Variants in ZNF100 observed in about 807,000 individuals in gnomAD.
ZNF100 encodes the protein zinc finger protein 100 (Y1).
Under a neutral mutation model 15.8 loss-of-function variants are expected in ZNF100, and 12 were observed. That is an observed-to-expected ratio of 0.76 (90% CI 0.49 to 1.23). The LOEUF (loss-of-function observed/expected upper bound fraction) is 1.23, where lower values mean the gene tolerates loss of function less well. Ranked by LOEUF, ZNF100 falls within the 50% of genes most tolerant of loss-of-function variation. ZNF100 has a pLI of 0.00. For synonymous variants in ZNF100, 226 were observed against 214.8 expected (o/e 1.05, Z -0.45); for missense variants, 670 against 635.6 (o/e 1.05, Z -0.58).
chr19:21,744,058 G>A lies in ZNF100; in HGVS notation c.281C>T (p.Pro94Leu), dbSNP rs1425353821. The part of the protein sequence containing the change: ...LITCLEQGKE[P>L]WNIKRHEMVA... ...CATCTCATGTCTCTTTATATTCCAG[G>A]GCTCTTTTCCTTGCTCCAGACAGGT... The change falls in exon 4 of 5, where the codon CCC becomes CTC. Residue 94 changes from proline (P) to leucine (L), a missense_variant. Transcript: ENST00000358296. 1 of 1,612,486 alleles carries A rather than the reference G, an allele frequency of 6.2e-7. No individual in the cohort carries two copies. The highest frequency in any genetic ancestry group is 1.1e-5 in the South Asian group (1 of 90,928).
At chr19:21,738,212 C>G (rs1398034040) in intron 4 of ZNF100, among the ~76,000 whole-genome samples, 3 of 129,280 alleles carry the variant, frequency 2.3e-5, no homozygotes, top group Non-Finnish European at 4.6e-5. Context: ...GATGGTGCCA[C>G]TGCAGTCCAG....
At chr19:21,751,521 T>C in intron 2 of ZNF100, 1 of 1,126,806 alleles carries the variant, frequency 8.9e-7, no homozygotes, top group African/African-American at 1.5e-5. Flanking sequence ...GAAATCGACA[T>C]TTGCCCCACT....
intron 4 of ZNF100, among the ~76,000 whole-genome samples, chr19:21,730,283 C>G (rs2035889274): frequency 6.6e-6 from 1 of 151,790 alleles, no homozygotes; most frequent in Non-Finnish European, 1.5e-5. Context: ...GTAGATATTG[C>G]ATGTAAATAT....
At chr19:21,746,652 T>C (rs913421809) in intron 2 of ZNF100, among the ~76,000 whole-genome samples, 5 of 151,826 alleles carry the variant, frequency 3.3e-5, no homozygotes, top group South Asian at 2.1e-4. Context: ...CTCTAGTACA[T>C]AGGAAAGAAA....
rs1457556127 is a variant in ZNF100 at position 21,723,549 on chromosome 19, G to T, written c.*3134C>A. ...TACAGAGAAATCTGAAGATAATTAAGAAATAAAAGATGCAGAACTTCTCTT... is the reference window on the plus strand; with the variant it reads ...TACAGAGAAATCTGAAGATAATTAATAAATAAAAGATGCAGAACTTCTCTT... On this transcript the variant is annotated 3_prime_UTR_variant, in exon 5 of 5. Transcript: ENST00000358296. 2 of 152,096 alleles carry T rather than the reference G, an allele frequency of 1.3e-5. No homozygotes were observed. The highest frequency in any genetic ancestry group is 6.6e-5 in the Admixed American group (1 of 15,264). 9.4% of individuals were successfully genotyped at this position (152,096 alleles called of 1,614,324 possible). A position where few individuals can be genotyped will look rare whatever the true frequency, so the allele number is the denominator to read the frequency against.
intron 2 of ZNF100, chr19:21,751,176 A>G (rs1269148885): frequency 7.5e-7 from 1 of 1,330,630 alleles, no homozygotes; most frequent in Non-Finnish European, 1.1e-6. Flanking sequence ...TAAATCATCT[A>G]TCTCCAGGGC....
chr19:21,755,975 G>C (rs1427439269), intron 2 of ZNF100, among the ~76,000 whole-genome samples: 1 of 152,122 alleles, frequency 6.6e-6, no homozygotes, highest in Non-Finnish European at 1.5e-5. Context: ...CGGGTGAATA[G>C]GCGCACCAAA....
chr19:21,765,252 G>A (rs931506113), intron 2 of ZNF100, among the ~76,000 whole-genome samples: 1 of 152,158 alleles, frequency 6.6e-6, no homozygotes, highest in Non-Finnish European at 1.5e-5. Context: ...GACAAACCCA[G>A]GTAGTGGCAG....
In ZNF100 at chr19:21,726,567, T is replaced by C. The variant is rs2145677975; in HGVS notation, c.*116A>G. 5 of 928,524 alleles carry C rather than the reference T, an allele frequency of 5.4e-6. No homozygotes were observed. Among genetic ancestry groups the C allele is most frequent in the South Asian group, 3.8e-5 (2 of 52,884 alleles). The allele number at this position is 928,524 out of a possible 1,614,324, so 57.5% of individuals were successfully genotyped here. On this transcript the variant is annotated 3_prime_UTR_variant, in exon 5 of 5. Coordinates refer to ENST00000358296, the MANE Select transcript of ZNF100 (RefSeq NM_173531.4). Reference sequence around the variant, plus strand: ...TGAATTATCTTATGTCTGTTAGGAATTGAGAATTTATTAAAGGCTTTGCCA... The same window carrying C: ...TGAATTATCTTATGTCTGTTAGGAACTGAGAATTTATTAAAGGCTTTGCCA...
At position 21,725,514 on chromosome 19, in the gene ZNF100, CT is replaced by C. The variant is rs1184928642; in HGVS notation, c.*1168del. 3.9e-5 allele frequency: 6 copies of C among 152,048 alleles called. No homozygotes were observed. Among genetic ancestry groups the C allele is most frequent in the Non-Finnish European group, 7.4e-5 (5 of 67,976 alleles). The allele number at this position is 152,048 out of a possible 1,614,324, so 9.4% of individuals were successfully genotyped here. ...CATCATACATCTCATATTTTAATGT[CT>C]TTTTCATAGCAAAGTTTATAAATAA... On this transcript the variant is annotated 3_prime_UTR_variant, in exon 5 of 5. Coordinates refer to ENST00000358296, the MANE Select transcript of ZNF100 (RefSeq NM_173531.4).
Position 21,765,722 on chromosome 19 carries a change from C to T in ZNF100, c.68G>A (p.Ser23Asn), listed in dbSNP as rs201163370. The T allele has an allele frequency of 3.9e-4, 636 of 1,613,926 alleles. 4 individuals carry two copies. Among genetic ancestry groups the T allele is most frequent in the South Asian group, 2.0e-3 (185 of 91,028 alleles). ...TTCAAAATAAGACTGCACCAGAAGA[C>T]TCCTCTCAGCCCCAGGGCATCCACT... The part of the protein sequence containing the change: ...GASGCPGAER[S>N]LLVQSYFEKG... The change falls in exon 2 of 5, where the codon AGT becomes AAT. Residue 23 changes from serine (S) to asparagine (N), a missense_variant. By Grantham distance (46) the Ser-to-Asn change is conservative. Transcript: ENST00000358296.
At chr19:21,761,442 A>G (rs1237999047) in intron 2 of ZNF100, among the ~76,000 whole-genome samples, 1 of 152,190 alleles carries the variant, frequency 6.6e-6, no homozygotes, top group African/African-American at 2.4e-5. Flanking sequence ...TTAATGAACT[A>G]AACTTGACTT....
intron 3 of ZNF100, 48 bp downstream of exon 3, chr19:21,744,893 A>C: frequency 6.3e-7 from 1 of 1,581,832 alleles, no homozygotes; most frequent in South Asian, 1.2e-5. Flanking sequence ...ACAAAAAAAG[A>C]GAAACCTTTA....
chr19:21,726,571 GAATTT>G lies in ZNF100; in HGVS notation c.*107_*111del. 1.0e-6 allele frequency: 1 copy of G among 969,640 alleles called. No individual in the cohort carries two copies. Among genetic ancestry groups the G allele is most frequent in the Non-Finnish European group, 1.5e-6 (1 of 662,664 alleles). 60.1% of individuals were successfully genotyped at this position (969,640 alleles called of 1,614,324 possible). A position where few individuals can be genotyped will look rare whatever the true frequency, so the allele number is the denominator to read the frequency against. On this transcript the variant is annotated 3_prime_UTR_variant, in exon 5 of 5. Coordinates refer to ENST00000358296, the MANE Select transcript of ZNF100 (RefSeq NM_173531.4). ...TTATCTTATGTCTGTTAGGAATTGA[GAATTT>G]ATTAAAGGCTTTGCCATATTCTTCA...
chr19:21,744,088 A>C lies in ZNF100; in HGVS notation c.251T>G (p.Leu84Arg), dbSNP rs1384193067. 1 of 1,610,736 alleles carries C rather than the reference A, an allele frequency of 6.2e-7. No individual in the cohort carries two copies. The highest frequency in any genetic ancestry group is 1.3e-5 in the African/African-American group (1 of 74,748). Reference protein sequence around the residue: ...LAGIALTKPDLITCLEQGKEP... With the variant: ...LAGIALTKPDRITCLEQGKEP... Reference sequence around the variant, plus strand: ...TTTTCCTTGCTCCAGACAGGTGATCAGGTCTGGCTTAGTGAGAGCAATACC... The same window carrying C: ...TTTTCCTTGCTCCAGACAGGTGATCCGGTCTGGCTTAGTGAGAGCAATACC... Residue 84 changes from leucine (L) to arginine (R), a missense_variant, in exon 4 of 5, where the codon CTG becomes CGG. Coordinates refer to ENST00000358296, the MANE Select transcript of ZNF100 (RefSeq NM_173531.4).
chr19:21,760,034 T>A (rs940554123), intron 2 of ZNF100, among the ~76,000 whole-genome samples: 1 of 151,670 alleles, frequency 6.6e-6, no homozygotes, highest in South Asian at 2.1e-4. Context: ...AATATAAAAT[T>A]AGCTGGGCGT....
Position 21,727,626 on chromosome 19 carries a change from G to A in ZNF100, c.686C>T (p.Thr229Ile), listed in dbSNP as rs764666852. The change falls in exon 5 of 5, where the codon ACA becomes ATA. Residue 229 changes from threonine (T) to isoleucine (I), a missense_variant. Thr to Ile is a moderately conservative substitution (Grantham distance 89, BLOSUM62 -1). Transcript: ENST00000358296. ...ATCTTTACATTGGTAGGAATTCTCTGTAATATGAAATCTTTTATGTTGAGT... is the reference window on the plus strand; with the variant it reads ...ATCTTTACATTGGTAGGAATTCTCTATAATATGAAATCTTTTATGTTGAGT... ...HLTQHKRFHITENSYQCKDCG... is the reference protein window; with the variant it reads ...HLTQHKRFHIIENSYQCKDCG... 1.9e-6 allele frequency: 3 copies of A among 1,611,876 alleles called. No individual in the cohort carries two copies. Among genetic ancestry groups the A allele is most frequent in the Non-Finnish European group, 2.5e-6 (3 of 1,179,200 alleles).
At chr19:21,753,095 T>G (rs372993916) in intron 2 of ZNF100, 1 of 152,124 alleles carries the variant, frequency 6.6e-6, no homozygotes, top group Non-Finnish European at 1.5e-5. Context: ...TTCAAAATTC[T>G]CAAAATGAAG....
chr19:21,734,472 G>A (rs1481319808), intron 4 of ZNF100, among the ~76,000 whole-genome samples: 1 of 152,010 alleles, frequency 6.6e-6, no homozygotes, highest in Non-Finnish European at 1.5e-5. Context: ...AGAGCTTGAA[G>A]ACTATCTTGC....
Sources: gnomAD v4.1 joint callset for allele counts (sites outside exome capture counted in the v4.1 genomes callset) on GRCh38, gnomAD v4.1.1 for gene constraint, MANE v1.5 for transcripts, NCBI Gene and HGNC (gene_info 2026-07-23, HGNC 2026-07-21) for gene names.